Variants in CTNNA2 observed in about 807,000 individuals in gnomAD.
CTNNA2 encodes the protein catenin alpha-2.
In CTNNA2, 42 loss-of-function variants were observed where a neutral mutation model predicts 101.0. The observed-to-expected ratio is 0.42, with a 90% CI of 0.32 to 0.54. The LOEUF is 0.54. Ranked by LOEUF, CTNNA2 falls within the 20% of genes least tolerant of loss-of-function variation. The pLI, the probability that CTNNA2 is intolerant of heterozygous loss-of-function variation, is 0.14. For missense variants in CTNNA2, 871 were observed against 1,223.1 expected, an observed-to-expected ratio of 0.71 and a Z score of 4.29; for synonymous variants, 450 against 456.4, an observed-to-expected ratio of 0.99 and a Z score of 0.18.
intron 8 of CTNNA2, among the ~76,000 whole-genome samples, chr2:80,415,021 CAG>C (rs1559090119): frequency 2.0e-5 from 3 of 152,080 alleles, no homozygotes; most frequent in South Asian, 4.1e-4. Flanking sequence ...TAAGGGAAGG[CAG>C]AGTTTGTAGG....
At chr2:80,153,285 A>T (rs897974236) in intron 7 of CTNNA2, among the ~76,000 whole-genome samples, 1 of 152,172 alleles carries the variant, frequency 6.6e-6, no homozygotes, top group Non-Finnish European at 1.5e-5. Flanking sequence ...GGAGCAGCCT[A>T]TGGTCTTGCC....
At chr2:80,194,143 C>A (rs1278965757) in intron 7 of CTNNA2, among the ~76,000 whole-genome samples, 1 of 152,124 alleles carries the variant, frequency 6.6e-6, no homozygotes, top group African/African-American at 2.4e-5. Flanking sequence ...GTGCCCTCAG[C>A]CAATTGCCAT....
chr2:79,611,459 T>C (rs985776871), intron 1 of CTNNA2, among the ~76,000 whole-genome samples: 2 of 152,114 alleles, frequency 1.3e-5, no homozygotes, highest in Admixed American at 6.6e-5. Flanking sequence ...CTTCAAGGGG[T>C]CTCTCGACTA....
chr2:79,764,708 A>T (rs1241640683), intron 3 of CTNNA2, among the ~76,000 whole-genome samples: 4 of 152,192 alleles, frequency 2.6e-5, no homozygotes, highest in African/African-American at 9.7e-5. Context: ...AAAATAAGTG[A>T]GTGGCTTAGA....
At chr2:79,705,128 C>G (rs1035957459) in intron 2 of CTNNA2, among the ~76,000 whole-genome samples, 1 of 152,050 alleles carries the variant, frequency 6.6e-6, no homozygotes, top group Non-Finnish European at 1.5e-5. Context: ...CTGGACGGTT[C>G]CACTCCCTGC....
At chr2:79,732,728 A>G (rs896580210) in intron 2 of CTNNA2, among the ~76,000 whole-genome samples, 12 of 152,048 alleles carry the variant, frequency 7.9e-5, no homozygotes, top group Admixed American at 7.9e-4. Context: ...TTAAAATCTC[A>G]GAGACTTAAC....
intron 7 of CTNNA2, among the ~76,000 whole-genome samples, chr2:80,155,369 A>G (rs968887056): frequency 6.6e-6 from 1 of 152,198 alleles, no homozygotes; most frequent in African/African-American, 2.4e-5. Context: ...ACAACTCACC[A>G]CATGATCAAG....
At chr2:79,593,338 G>T (rs1676981925) in intron 1 of CTNNA2, among the ~76,000 whole-genome samples, 1 of 152,176 alleles carries the variant, frequency 6.6e-6, no homozygotes, top group Admixed American at 6.5e-5. Flanking sequence ...CATTGCTACA[G>T]TTGAGGACAA....
chr2:79,521,311 G>T (rs1006966792), intron 1 of CTNNA2, among the ~76,000 whole-genome samples: 2 of 151,856 alleles, frequency 1.3e-5, no homozygotes, highest in African/African-American at 2.4e-5. Flanking sequence ...TCTTGTCTGT[G>T]CTCAGTCTGC....
chr2:80,418,469 T>C (rs538048087), intron 8 of CTNNA2, among the ~76,000 whole-genome samples: 102 of 152,288 alleles, frequency 6.7e-4, no homozygotes, highest in African/African-American at 2.3e-3. Context: ...AGGTAAAATG[T>C]CAGACACAAT....
At chr2:79,200,031 CAG>C (rs10649485) in intron 2 of CTNNA2, among the ~76,000 whole-genome samples, 31,936 of 149,016 alleles carry the variant, frequency 0.21, 4,255 homozygotes, top group African/African-American at 0.39. Context: ...GAGAATGAGA[CAG>C]AGAGAGAGAG....
chr2:79,278,597 A>G (rs1675278452), intron 2 of CTNNA2, among the ~76,000 whole-genome samples: 1 of 152,082 alleles, frequency 6.6e-6, no homozygotes, highest in South Asian at 2.1e-4. Context: ...TCCCCGTTGT[A>G]CTTGTTTGGA....
chr2:79,969,736 TTCAC>T lies in CTNNA2; in HGVS notation c.1056+59942_1056+59945del, dbSNP rs771068528. ...CTGTCTTCCTTTGGTTGCTTTTCCT[TTCAC>T]TCTTGGCCAGTGATTATTGAAATAA... On this transcript the variant is annotated intron_variant, in intron 7 of 18. Coordinates refer to ENST00000402739, the MANE Select transcript of CTNNA2 (RefSeq NM_001282597.3). Among the ~76,000 whole-genome samples, 117 of 152,138 alleles carry T rather than the reference TTCAC, an allele frequency of 7.7e-4. 1 individual carries two copies. The highest frequency in any genetic ancestry group is 8.5e-4 in the Admixed American group (13 of 15,262).
At chr2:80,365,809 A>G (rs1321354331) in intron 7 of CTNNA2, among the ~76,000 whole-genome samples, 2 of 152,142 alleles carry the variant, frequency 1.3e-5, no homozygotes, top group South Asian at 2.1e-4. Context: ...TGTGTTTGTA[A>G]TGGCATTTAT....
chr2:80,391,559 C>G (rs1677520955), intron 7 of CTNNA2, among the ~76,000 whole-genome samples: 1 of 152,110 alleles, frequency 6.6e-6, no homozygotes, highest in Non-Finnish European at 1.5e-5. Context: ...GATCATGGTC[C>G]AGAGCTCCAC....
intron 1 of CTNNA2, among the ~76,000 whole-genome samples, chr2:79,588,930 A>G (rs1676670627): frequency 6.6e-6 from 1 of 152,236 alleles, no homozygotes; most frequent in Non-Finnish European, 1.5e-5. Context: ...TGAAGGGATC[A>G]TAAATTGAGA....
chr2:80,148,826 T>C (rs1703510180), intron 7 of CTNNA2, among the ~76,000 whole-genome samples: 1 of 152,176 alleles, frequency 6.6e-6, no homozygotes, highest in Non-Finnish European at 1.5e-5. Context: ...GTTGAACCAC[T>C]GGACTCCTCT....
chr2:80,247,396 A>T (rs995391826), intron 7 of CTNNA2, among the ~76,000 whole-genome samples: 3 of 152,144 alleles, frequency 2.0e-5, no homozygotes, highest in African/African-American at 7.2e-5. Context: ...AACCTCTCAG[A>T]CATCTTAAAG....
intron 7 of CTNNA2, among the ~76,000 whole-genome samples, chr2:79,917,111 G>C (rs72918664): frequency 0.6 from 90,850 of 151,070 alleles, 27,666 homozygotes; most frequent in East Asian, 0.78. Flanking sequence ...CTTGCTTTGT[G>C]GCCAGGCTGT....
Sources: gnomAD v4.1 joint callset for allele counts (sites outside exome capture counted in the v4.1 genomes callset) on GRCh38, gnomAD v4.1.1 for gene constraint, MANE v1.5 for transcripts, NCBI Gene and HGNC (gene_info 2026-07-23, HGNC 2026-07-21) for gene names.